The following SGCZ variants were observed in gnomAD, a reference collection of about 807,000 sequenced individuals.
SGCZ encodes zeta-sarcoglycan.
In SGCZ, 40 loss-of-function variants were observed where a neutral mutation model predicts 41.3. That is an observed-to-expected ratio of 0.97 (90% confidence interval 0.75 to 1.26). SGCZ has a LOEUF of 1.26. Ranked by LOEUF, SGCZ falls within the 50% of genes most tolerant of loss-of-function variation. The probability of loss-of-function intolerance (pLI) is 0.00; values close to 1 mark genes in which losing one functional copy is unlikely to be tolerated. For missense variants in SGCZ, 552 were observed against 369.8 expected (o/e 1.49, Z -4.04); for synonymous variants, 206 against 137.5 (o/e 1.50, Z -3.49).
At chr8:14,613,515 T>TGCA (rs1805996450) in intron 1 of SGCZ, among the ~76,000 whole-genome samples, 1 of 152,178 alleles carries the variant, frequency 6.6e-6, no homozygotes, top group African/African-American at 2.4e-5. Context: ...GATATACTCT[T>TGCA]GCAAATAGTA....
intron 1 of SGCZ, among the ~76,000 whole-genome samples, chr8:14,979,609 A>G (rs1801595807): frequency 1.3e-5 from 2 of 152,210 alleles, no homozygotes; most frequent in Non-Finnish European, 2.9e-5. Context: ...CATAAACTGC[A>G]TTTTAGAAAA....
intron 2 of SGCZ, among the ~76,000 whole-genome samples, chr8:14,382,427 A>T (rs557995321): frequency 6.6e-6 from 1 of 152,002 alleles, no homozygotes; most frequent in Non-Finnish European, 1.5e-5. Flanking sequence ...TTAAAAAAAA[A>T]CACAATACCA....
chr8:14,870,838 C>A (rs191833680), intron 1 of SGCZ, among the ~76,000 whole-genome samples: 2 of 152,278 alleles, frequency 1.3e-5, no homozygotes, highest in African/African-American at 4.8e-5. Context: ...CTCATCATCA[C>A]TGGTCGTTAG....
chr8:14,229,150 C>T (rs892436711), intron 4 of SGCZ, among the ~76,000 whole-genome samples: 1 of 152,146 alleles, frequency 6.6e-6, no homozygotes. Context: ...TGATTCTGCA[C>T]TTCTATCTGT....
intron 1 of SGCZ, among the ~76,000 whole-genome samples, chr8:14,813,487 T>C (rs1054149497): frequency 1.3e-5 from 2 of 152,154 alleles, no homozygotes; most frequent in Admixed American, 6.5e-5. Context: ...GGGGAAAATA[T>C]ATTTTTATTT....
chr8:14,740,232 A>T (rs1799159944), intron 1 of SGCZ, among the ~76,000 whole-genome samples: 1 of 152,042 alleles, frequency 6.6e-6, no homozygotes, highest in African/African-American at 2.4e-5. Context: ...ATCTGAGTAT[A>T]TTAAAGAGCT....
At chr8:15,112,466 G>A (rs1200254157) in intron 1 of SGCZ, among the ~76,000 whole-genome samples, 3 of 152,154 alleles carry the variant, frequency 2.0e-5, no homozygotes, top group East Asian at 3.9e-4. Context: ...GCTTTAGTTT[G>A]CAGTGGTTTA....
intron 5 of SGCZ, among the ~76,000 whole-genome samples, chr8:14,151,077 A>G (rs1803694102): frequency 6.6e-6 from 1 of 152,142 alleles, no homozygotes; most frequent in African/African-American, 2.4e-5. Flanking sequence ...AGTACAAAAA[A>G]TAGTAAGAAA....
At chr8:15,163,321 G>T (rs80221061) in intron 1 of SGCZ, among the ~76,000 whole-genome samples, 1,901 of 152,294 alleles carry the variant, frequency 0.012, 48 homozygotes, top group African/African-American at 0.043. Context: ...CAGAGCTGAG[G>T]AAACTGAGGC....
chr8:14,990,207 G>C (rs1801961516), intron 1 of SGCZ, among the ~76,000 whole-genome samples: 2 of 152,096 alleles, frequency 1.3e-5, no homozygotes, highest in African/African-American at 2.4e-5. Flanking sequence ...GCTTAGAGTA[G>C]AAAATCAAAA....
At chr8:14,830,787 A>G (rs1585300410) in intron 1 of SGCZ, among the ~76,000 whole-genome samples, 1 of 152,312 alleles carries the variant, frequency 6.6e-6, no homozygotes, top group Non-Finnish European at 1.5e-5. Flanking sequence ...CAACATCTCA[A>G]AAGGTATGCA....
At chr8:15,129,867 TCAGA>T (rs1807837198) in intron 1 of SGCZ, among the ~76,000 whole-genome samples, 1 of 152,108 alleles carries the variant, frequency 6.6e-6, no homozygotes. Flanking sequence ...CTCTGTGTCC[TCAGA>T]CAGTCACCAC....
chr8:15,214,624 C>A (rs145101351), intron 1 of SGCZ, among the ~76,000 whole-genome samples: 1 of 152,212 alleles, frequency 6.6e-6, no homozygotes, highest in African/African-American at 2.4e-5. Flanking sequence ...TCTTCCTGTG[C>A]AATCTCAGGC....
intron 1 of SGCZ, among the ~76,000 whole-genome samples, chr8:14,948,008 A>G (rs1800509570): frequency 1.3e-5 from 2 of 152,220 alleles, no homozygotes; most frequent in African/African-American, 4.8e-5. Context: ...CATTGTTTGA[A>G]GAAGGCAAGC....
intron 1 of SGCZ, among the ~76,000 whole-genome samples, chr8:14,942,543 G>A (rs1278666827): frequency 6.6e-6 from 1 of 152,074 alleles, no homozygotes; most frequent in Non-Finnish European, 1.5e-5. Context: ...TTTAAGGCCA[G>A]TTAAAGCTCC....
chr8:15,204,614 T>C, intron 1 of SGCZ, among the ~76,000 whole-genome samples: 1 of 152,132 alleles, frequency 6.6e-6, no homozygotes, highest in East Asian at 1.9e-4. Flanking sequence ...TTTGCGACTC[T>C]CATAGCACTT....
intron 2 of SGCZ, among the ~76,000 whole-genome samples, chr8:14,478,273 G>C (rs1233930728): frequency 6.6e-6 from 1 of 152,208 alleles, no homozygotes; most frequent in African/African-American, 2.4e-5. Flanking sequence ...TGCCAAACTG[G>C]TAAGCAACCA....
intron 1 of SGCZ, among the ~76,000 whole-genome samples, chr8:14,789,691 A>G (rs1226080858): frequency 3.3e-5 from 5 of 151,930 alleles, no homozygotes; most frequent in Non-Finnish European, 7.4e-5. Flanking sequence ...GAACAATCCT[A>G]CTGTCTTTCA....
At chr8:14,600,332 GA>G (rs1161164165) in intron 1 of SGCZ, among the ~76,000 whole-genome samples, 15 of 152,094 alleles carry the variant, frequency 9.9e-5, no homozygotes, top group Non-Finnish European at 2.2e-4. Context: ...TGATGACTCA[GA>G]AGGGTAAATC....
Sources: gnomAD v4.1 joint callset for allele counts (sites outside exome capture counted in the v4.1 genomes callset) on GRCh38, gnomAD v4.1.1 for gene constraint, MANE v1.5 for transcripts, NCBI Gene and HGNC (gene_info 2026-07-23, HGNC 2026-07-21) for gene names.